The following VPS13A variants were observed in gnomAD, a reference collection of about 807,000 sequenced individuals.
The protein encoded by VPS13A is intermembrane lipid transfer protein VPS13A.
A neutral mutation model predicts 390.9 loss-of-function variants in VPS13A; 264 were observed. The observed-to-expected ratio is 0.68, with a 90% CI of 0.61 to 0.75. The LOEUF (loss-of-function observed/expected upper bound fraction) is 0.75, where lower values mean the gene tolerates loss of function less well. Among genes scored for constraint, VPS13A ranks in the 30% least tolerant of loss-of-function variants. VPS13A has a pLI of 0.00. For missense variants in VPS13A, 3,409 were observed against 3,733.9 expected (o/e 0.91, Z 2.27); for synonymous variants, 1,231 against 1,227.1 (o/e 1.00, Z -0.07).
intron 26 of VPS13A, 135 bp from the exon 27 acceptor site, chr9:77,280,024 G>T (rs1826923484): frequency 3.3e-6 from 2 of 612,590 alleles, no homozygotes; most frequent in East Asian, 6.2e-5. Flanking sequence ...AACTTGACTT[G>T]GGTGAGGTAG....
chr9:77,347,147 A>G (rs1435517539), intron 52 of VPS13A, among the ~76,000 whole-genome samples: 2 of 152,140 alleles, frequency 1.3e-5, no homozygotes, highest in African/African-American at 4.8e-5. Context: ...CTTTTTGCTT[A>G]GTATTGCTTT....
At chr9:77,335,369 A>T (rs943415356) in intron 46 of VPS13A, among the ~76,000 whole-genome samples, 4 of 152,196 alleles carry the variant, frequency 2.6e-5, no homozygotes, top group African/African-American at 9.6e-5. Context: ...GATCTAATTA[A>T]ACTAAAGAGC....
intron 22 of VPS13A, among the ~76,000 whole-genome samples, chr9:77,255,958 A>AT (rs368345110): frequency 2.7e-5 from 4 of 150,372 alleles, no homozygotes; most frequent in East Asian, 2.0e-4. Flanking sequence ...ATTTTTGTTG[A>AT]TTTTTTTCTC....
chr9:77,200,943 T>C (rs187738133), intron 2 of VPS13A, among the ~76,000 whole-genome samples: 1 of 152,314 alleles, frequency 6.6e-6, no homozygotes, highest in East Asian at 1.9e-4. Flanking sequence ...GCACCATTTA[T>C]TTAAAAGGCT....
At chr9:77,318,003 T>A (rs1406766047) in intron 40 of VPS13A, among the ~76,000 whole-genome samples, 1 of 151,928 alleles carries the variant, frequency 6.6e-6, no homozygotes, top group Non-Finnish European at 1.5e-5. Flanking sequence ...TAATATCATG[T>A]AATTCATGGA....
chr9:77,210,824 G>A (rs1825941503), intron 7 of VPS13A, 149 bp downstream of exon 7: 5 of 757,558 alleles, frequency 6.6e-6, no homozygotes, highest in East Asian at 5.2e-5. Flanking sequence ...TCGAGGGTAT[G>A]TAGATTCACA....
intron 68 of VPS13A, chr9:77,384,924 CT>C (rs1352783113): frequency 7.6e-7 from 1 of 1,317,826 alleles, no homozygotes; most frequent in Non-Finnish European, 9.7e-7. Context: ...TATTTTATAG[CT>C]TTGTATTGCA....
At chr9:77,199,920 G>GAATCTTTTTTTTAATCTTTTTTTT in intron 1 of VPS13A, 25 bp from the exon 2 acceptor site, 1 of 1,578,500 alleles carries the variant, frequency 6.3e-7, no homozygotes. Context: ...TTGATTGTTT[G>GAATCTTTTTTTTAATCTTTTTTTT]AATCTTTTTT....
intron 47 of VPS13A, 36 bp downstream of exon 47, chr9:77,337,573 G>T (rs778831698): frequency 1.3e-6 from 2 of 1,589,086 alleles, no homozygotes; most frequent in East Asian, 2.2e-5. Context: ...TCCTGTTTTT[G>T]ATTTTGTAGT....
chr9:77,236,444 G>C (rs1824152478), intron 17 of VPS13A, among the ~76,000 whole-genome samples: 2 of 152,166 alleles, frequency 1.3e-5, no homozygotes, highest in Non-Finnish European at 2.9e-5. Flanking sequence ...GGTAACTGTG[G>C]AAATTAGATG....
At chr9:77,379,514 G>T in intron 67 of VPS13A, among the ~76,000 whole-genome samples, 1 of 151,762 alleles carries the variant, frequency 6.6e-6, no homozygotes, top group African/African-American at 2.4e-5. Context: ...TGCTGGGATT[G>T]CAGGAATGAG....
At chr9:77,241,436 CTT>C (rs200979725) in intron 19 of VPS13A, among the ~76,000 whole-genome samples, 5 of 128,708 alleles carry the variant, frequency 3.9e-5, no homozygotes, top group African/African-American at 1.2e-4. Flanking sequence ...TTACACTTGT[CTT>C]TTTTTTTTTT....
chr9:77,252,767 T>C (rs1436604551), intron 22 of VPS13A, among the ~76,000 whole-genome samples: 1 of 152,240 alleles, frequency 6.6e-6, no homozygotes, highest in African/African-American at 2.4e-5. Context: ...CCTGGGTTTC[T>C]TCACTTAGCA....
At chr9:77,271,632 A>T (rs1826359141) in intron 23 of VPS13A, among the ~76,000 whole-genome samples, 1 of 152,186 alleles carries the variant, frequency 6.6e-6, no homozygotes, top group Non-Finnish European at 1.5e-5. Context: ...AGGAAAAAAA[A>T]TACTAATACA....
intron 19 of VPS13A, among the ~76,000 whole-genome samples, chr9:77,246,333 T>A (rs1382470594): frequency 6.6e-6 from 1 of 152,220 alleles, no homozygotes; most frequent in African/African-American, 2.4e-5. Context: ...AGCTTTATAA[T>A]TGTATATGTA....
chr9:77,260,292 C>A, intron 23 of VPS13A, 68 bp downstream of exon 23: 1 of 1,515,840 alleles, frequency 6.6e-7, no homozygotes, highest in Non-Finnish European at 9.0e-7. Context: ...TTCAAACAAT[C>A]ACAGGAATTT....
At position 77,283,632 on chromosome 9, in the gene VPS13A, A is replaced by G; in HGVS notation, c.3321A>G (p.Ile1107Met). 3 of 1,608,514 alleles carry G rather than the reference A, an allele frequency of 1.9e-6. No homozygotes were observed. The highest frequency in any genetic ancestry group is 1.7e-6 in the Non-Finnish European group (2 of 1,175,834). Residue 1107 changes from isoleucine to methionine, a missense_variant, in exon 31 of 72, where the codon ATA (isoleucine) becomes ATG (methionine). Transcript: ENST00000360280. The part of the protein sequence containing the change: ...LRNIIVLDSD[I>M]TAIYKKAVYI... The stretch of plus-strand genomic sequence containing the variant: ...ATATAATTGTTTTAGATTCTGATAT[A>G]ACAGCTATATACAAAAAGGTAAGAA...
At position 77,407,573 on chromosome 9, in the gene VPS13A, A is replaced by G; in HGVS notation, c.9440A>G (p.Lys3147Arg). The G allele has an allele frequency of 6.2e-7, 1 of 1,613,210 alleles. No individual in the cohort carries two copies. Among genetic ancestry groups the G allele is most frequent in the Non-Finnish European group, 8.5e-7 (1 of 1,179,350 alleles). ...GTATTTCATGCCAGAGAGTTTGGAA[A>G]AATAATTAACTTCAAGACCCCAGAG... is the stretch of plus-strand genomic sequence containing the variant. ...KSVFHAREFGKIINFKTPEDA... is the reference protein window; with the variant it reads ...KSVFHAREFGRIINFKTPEDA... Residue 3147 changes from lysine (K) to arginine (R), a missense_variant, in exon 71 of 72, where the codon AAA becomes AGA. Around this residue, in one of 5 missense-constraint regions of VPS13A, gnomAD observed 318 missense variants for 333.7 expected, o/e 0.95. Transcript: ENST00000360280.
chr9:77,236,261 A>T (rs1257726475), intron 17 of VPS13A, among the ~76,000 whole-genome samples: 1 of 152,060 alleles, frequency 6.6e-6, no homozygotes, highest in Admixed American at 6.6e-5. Flanking sequence ...TCTTTTTAAT[A>T]ATTTCTGTCG....
Sources: allele counts gnomAD v4.1 joint callset (sites outside exome capture counted in the v4.1 genomes callset), GRCh38; gene constraint gnomAD v4.1.1; regional missense constraint gnomAD v4.1.1; transcripts MANE v1.5; gene names NCBI Gene and HGNC (gene_info 2026-07-23, HGNC 2026-07-21).